The following GRIP1 variants were observed in gnomAD, a reference collection of about 807,000 sequenced individuals.
GRIP1 encodes glutamate receptor interacting protein 1.
A neutral mutation model predicts 129.9 loss-of-function variants in GRIP1; 45 were observed. That is an observed-to-expected ratio of 0.35 (90% CI 0.27 to 0.44). The LOEUF is 0.44. Ranked by LOEUF, GRIP1 falls within the 20% of genes least tolerant of loss-of-function variation. The pLI is 1.00. For synonymous variants in GRIP1, 530 were observed against 520.8 expected, an observed-to-expected ratio of 1.02 and a Z score of -0.24; for missense variants, 1,196 against 1,396.8, an observed-to-expected ratio of 0.86 and a Z score of 2.29.
intron 1 of GRIP1, among the ~76,000 whole-genome samples, chr12:66,877,086 G>T (rs1285033299): frequency 6.6e-6 from 1 of 151,852 alleles, no homozygotes; most frequent in Non-Finnish European, 1.5e-5. Flanking sequence ...ATCAATGACG[G>T]GTTACCATCT....
At chr12:66,444,492 CAAAAAA>C in intron 13 of GRIP1, 86 bp downstream of exon 13, 64 of 665,060 alleles carry the variant, frequency 9.6e-5, no homozygotes, top group Middle Eastern at 4.2e-4. Context: ...GACTCCGTCT[CAAAAAA>C]AAAAAAAAAA....
In GRIP1 at chr12:66,943,445, T is replaced by C. The variant is rs146457052; in HGVS notation, c.58+125605A>G. Among the ~76,000 whole-genome samples the C allele has an allele frequency of 5.8e-4, 88 of 152,362 alleles. 2 individuals are homozygous for C. The East Asian group carries it at 0.014, about 24-fold the overall frequency. On this transcript the variant is annotated intron_variant, in intron 1 of 1. Coordinates refer to the GRIP1 transcript ENST00000643019. ...TAACAACATAACTGATATTTATAAATTAATTTCTTTCTATTTAAATGGATA... is the reference window on the plus strand; with the variant it reads ...TAACAACATAACTGATATTTATAAACTAATTTCTTTCTATTTAAATGGATA...
intron 1 of GRIP1, among the ~76,000 whole-genome samples, chr12:66,715,014 C>T (rs189194967): frequency 1.6e-3 from 243 of 152,112 alleles, no homozygotes; most frequent in Non-Finnish European, 2.6e-3. Context: ...TACTCCATAA[C>T]ACTCTCTTAC....
rs1284752583 is a variant in GRIP1 at position 66,708,488 on chromosome 12, T to TA, written c.-419-78153dup. Among the ~76,000 whole-genome samples, 4 of 151,986 alleles carry TA rather than the reference T, an allele frequency of 2.6e-5. No individual in the cohort carries two copies. In the South Asian group the frequency reaches 8.3e-4, roughly 31 times the overall value. On this transcript the variant is annotated intron_variant, in intron 1 of 4. Transcript: ENST00000538373. ...AGTTCTGTTAGGATATTTTCATTTG[T>TA]ATCTTATTTTCTTAGTTCGGGCCTA...
intron 1 of GRIP1, among the ~76,000 whole-genome samples, chr12:66,790,504 T>C (rs943706167): frequency 2.0e-5 from 3 of 152,046 alleles, no homozygotes; most frequent in African/African-American, 7.2e-5. Context: ...AATTAAACAT[T>C]TATTAAGCTC....
At chr12:66,739,988 C>T (rs182625171) in intron 1 of GRIP1, among the ~76,000 whole-genome samples, 8 of 152,274 alleles carry the variant, frequency 5.3e-5, no homozygotes, top group Non-Finnish European at 1.2e-4. Context: ...AGCCCAGCAG[C>T]CTCAAGACTG....
chr12:66,408,070 G>T (rs772204718), intron 15 of GRIP1, among the ~76,000 whole-genome samples: 2 of 152,176 alleles, frequency 1.3e-5, no homozygotes, highest in South Asian at 2.1e-4. Flanking sequence ...CTTTGCCCCG[G>T]GATAACATTT....
chr12:66,808,458 C>T (rs534821750), upstream of GRIP1, among the ~76,000 whole-genome samples: 1 of 152,080 alleles, frequency 6.6e-6, no homozygotes, highest in Non-Finnish European at 1.5e-5. Flanking sequence ...CCACCATGTC[C>T]AGCTACTTTT....
intron 1 of GRIP1, among the ~76,000 whole-genome samples, chr12:66,797,157 G>C (rs2038722584): frequency 6.6e-6 from 1 of 152,184 alleles, no homozygotes; most frequent in African/African-American, 2.4e-5. Flanking sequence ...TACACCACTA[G>C]GCATGTTTCC....
At chr12:66,977,980 GT>G (rs878893347) in intron 1 of GRIP1, among the ~76,000 whole-genome samples, 11 of 150,966 alleles carry the variant, frequency 7.3e-5, no homozygotes, top group South Asian at 4.2e-4. Context: ...AACTGGCTAA[GT>G]TTTTTTTTAT....
At chr12:66,588,987 A>C (rs537573200) in intron 2 of GRIP1, among the ~76,000 whole-genome samples, 77 of 148,068 alleles carry the variant, frequency 5.2e-4, no homozygotes, top group African/African-American at 1.9e-3. Flanking sequence ...AAAAAAAAAA[A>C]TTAAATAAAT....
In GRIP1 at chr12:66,406,265, T is replaced by G. The variant is rs768626447; in HGVS notation, c.1984+18A>C. 6.2e-7 allele frequency: 1 copy of G among 1,613,666 alleles called. No individual in the cohort carries two copies. The highest frequency in any genetic ancestry group is 8.5e-7 in the Non-Finnish European group (1 of 1,179,534). ...GGCAGTTCGAAAAATCAGTTTTAAC[T>G]AAGGATGCTCTCAATACCTGAATTA... On this transcript the variant is annotated intron_variant, in intron 16 of 24. Coordinates refer to ENST00000359742, the MANE Select transcript of GRIP1 (RefSeq NM_001366722.1).
chr12:66,763,195 T>C (rs897124747), intron 1 of GRIP1, among the ~76,000 whole-genome samples: 1 of 152,202 alleles, frequency 6.6e-6, no homozygotes, highest in Non-Finnish European at 1.5e-5. Context: ...GGTGCATTTG[T>C]TTTCCTTTGA....
At chr12:66,354,747 T>C (rs1208829922) in intron 23 of GRIP1, among the ~76,000 whole-genome samples, 1 of 152,204 alleles carries the variant, frequency 6.6e-6, no homozygotes, top group African/African-American at 2.4e-5. Flanking sequence ...TTAAAACTCT[T>C]ATAGCAAGTA....
intron 1 of GRIP1, among the ~76,000 whole-genome samples, chr12:66,723,853 C>T (rs1169563165): frequency 1.3e-5 from 2 of 152,132 alleles, no homozygotes; most frequent in South Asian, 2.1e-4. Context: ...TTTGTGAACA[C>T]ACGCCTGATG....
intron 1 of GRIP1, among the ~76,000 whole-genome samples, chr12:66,750,965 C>G (rs1196337756): frequency 1.3e-5 from 2 of 152,096 alleles, no homozygotes; most frequent in South Asian, 2.1e-4. Flanking sequence ...CCAATAAAGA[C>G]TAAAATATTC....
chr12:66,531,882 T>C (rs2061473777), intron 4 of GRIP1, among the ~76,000 whole-genome samples: 1 of 152,188 alleles, frequency 6.6e-6, no homozygotes, highest in African/African-American at 2.4e-5. Flanking sequence ...CTCAGAACTC[T>C]GCAAAAATGG....
chr12:66,475,582 A>G (rs2059580984), intron 7 of GRIP1, among the ~76,000 whole-genome samples: 1 of 152,202 alleles, frequency 6.6e-6, no homozygotes, highest in South Asian at 2.1e-4. Context: ...TTGGAAGTAA[A>G]GCACTCCTCA....
chr12:66,577,006 C>G (rs1360845797), intron 2 of GRIP1, among the ~76,000 whole-genome samples: 2 of 152,310 alleles, frequency 1.3e-5, no homozygotes, highest in East Asian at 3.9e-4. Context: ...GAACTCTGTT[C>G]TTTTCAGACC....
Sources: gnomAD v4.1 joint callset for allele counts (sites outside exome capture counted in the v4.1 genomes callset) on GRCh38, gnomAD v4.1.1 for gene constraint, MANE v1.5 for transcripts, NCBI Gene and HGNC (gene_info 2026-07-23, HGNC 2026-07-21) for gene names.